PTPRK: variants seen among roughly 807,000 people sequenced by gnomAD.
PTPRK encodes the protein receptor-type tyrosine-protein phosphatase kappa.
Under a neutral mutation model 178.0 loss-of-function variants are expected in PTPRK, and 75 were observed. The observed-to-expected ratio is 0.42, with a 90% confidence interval of 0.35 to 0.51. PTPRK has a LOEUF of 0.51. PTPRK is among the 20% of genes least tolerant of loss of function. PTPRK has a pLI of 0.02. For missense variants in PTPRK, 1,441 were observed against 1,797.8 expected, an observed-to-expected ratio of 0.80 and a Z score of 3.59; for synonymous variants, 637 against 620.6, an observed-to-expected ratio of 1.03 and a Z score of -0.39.
intron 1 of PTPRK, among the ~76,000 whole-genome samples, chr6:128,404,562 G>A (rs1361820846): frequency 6.6e-6 from 1 of 152,140 alleles, no homozygotes; most frequent in Non-Finnish European, 1.5e-5. Context: ...AGGGGATCCC[G>A]AAGTGTGATC....
chr6:128,413,543 C>T (rs1842530042), intron 1 of PTPRK, among the ~76,000 whole-genome samples: 1 of 152,114 alleles, frequency 6.6e-6, no homozygotes, highest in African/African-American at 2.4e-5. Flanking sequence ...TAAGAAAGGA[C>T]AGGACTTCTG....
intron 5 of PTPRK, among the ~76,000 whole-genome samples, chr6:128,225,850 A>G (rs933857444): frequency 7.9e-4 from 120 of 152,318 alleles, no homozygotes; most frequent in Non-Finnish European, 3.1e-4. Flanking sequence ...GAAGGATGGA[A>G]GAAGGTAAAT....
chr6:128,252,870 C>A (rs1816696585), intron 3 of PTPRK, among the ~76,000 whole-genome samples: 1 of 152,200 alleles, frequency 6.6e-6, no homozygotes, highest in African/African-American at 2.4e-5. Context: ...ATCGCAGATA[C>A]ACCTTTTAGC....
chr6:128,119,665 A>G (rs1792132988), intron 7 of PTPRK, among the ~76,000 whole-genome samples: 1 of 152,052 alleles, frequency 6.6e-6, no homozygotes. Context: ...TCTGTTGTAT[A>G]CAGGTTTCTC....
intron 1 of PTPRK, among the ~76,000 whole-genome samples, chr6:128,445,802 C>T (rs762035554): frequency 2.9e-4 from 44 of 152,194 alleles, no homozygotes; most frequent in Non-Finnish European, 4.1e-4. Context: ...TGGAGTCCAC[C>T]AAATAATGGC....
At chr6:128,130,833 C>A (rs113938480) in intron 7 of PTPRK, among the ~76,000 whole-genome samples, 1 of 149,234 alleles carries the variant, frequency 6.7e-6, no homozygotes, top group Non-Finnish European at 1.5e-5. Context: ...AAGGAAGTAC[C>A]GATATAAAAA....
chr6:128,051,138 T>C (rs1421521942), intron 13 of PTPRK, among the ~76,000 whole-genome samples: 1 of 152,192 alleles, frequency 6.6e-6, no homozygotes, highest in African/African-American at 2.4e-5. Context: ...TTTTAAAAGA[T>C]ATGTTTCTGC....
intron 21 of PTPRK, among the ~76,000 whole-genome samples, chr6:127,988,355 G>A (rs542406134): frequency 2.1e-4 from 31 of 146,822 alleles, no homozygotes; most frequent in Admixed American, 9.6e-4. Flanking sequence ...CCAGGCTGGA[G>A]TGCAGTGGCG....
At chr6:128,135,302 G>A (rs1049115423) in intron 7 of PTPRK, among the ~76,000 whole-genome samples, 1 of 152,088 alleles carries the variant, frequency 6.6e-6, no homozygotes, top group Non-Finnish European at 1.5e-5. Context: ...TATGTTTCTT[G>A]ACCAGCTGGA....
At chr6:128,185,635 G>A (rs1802632737) in intron 6 of PTPRK, among the ~76,000 whole-genome samples, 1 of 152,044 alleles carries the variant, frequency 6.6e-6, no homozygotes, top group Non-Finnish European at 1.5e-5. Context: ...CCTAAAGAAA[G>A]TGTTAATAAA....
chr6:128,458,177 C>T (rs539127111), intron 1 of PTPRK, among the ~76,000 whole-genome samples: 202 of 152,040 alleles, frequency 1.3e-3, no homozygotes, highest in African/African-American at 4.5e-3. Context: ...AGATGAATAG[C>T]AATAAGAAAA....
At chr6:128,047,242 G>C (rs1429310821) in intron 13 of PTPRK, among the ~76,000 whole-genome samples, 1 of 152,120 alleles carries the variant, frequency 6.6e-6, no homozygotes, top group Non-Finnish European at 1.5e-5. Flanking sequence ...GTGCAAGCTA[G>C]CACTGAAGTC....
chr6:128,326,807 T>C (rs1223123479), intron 2 of PTPRK, among the ~76,000 whole-genome samples: 1 of 152,162 alleles, frequency 6.6e-6, no homozygotes, highest in Non-Finnish European at 1.5e-5. Flanking sequence ...CTGAGAGTTC[T>C]ATAATGAATA....
At position 128,376,284 on chromosome 6, in the gene PTPRK, T is replaced by C. The variant is rs181107689; in HGVS notation, c.223+21282A>G. Among the ~76,000 whole-genome samples, 224 of 152,290 alleles carry C rather than the reference T, an allele frequency of 1.5e-3. 3 individuals are homozygous for C. Among genetic ancestry groups the C allele is most frequent in the African/African-American group, 5.0e-3 (209 of 41,574 alleles). ...TTCCATACAGCCTCTGAAATCTAAC[T>C]GGAGGTTCCCAAACTTTAACTCTTG... On this transcript the variant is annotated intron_variant, in intron 2 of 29. Transcript: ENST00000368226.
intron 7 of PTPRK, among the ~76,000 whole-genome samples, chr6:128,092,959 A>G (rs1582969804): frequency 6.6e-6 from 1 of 152,348 alleles, no homozygotes; most frequent in South Asian, 2.1e-4. Context: ...TGAGCTGGCC[A>G]TAAGAGCTAC....
chr6:128,083,893 G>A, intron 8 of PTPRK, 69 bp from the exon 9 acceptor site: 6 of 769,286 alleles, frequency 7.8e-6, no homozygotes, highest in Non-Finnish European at 1.2e-5. Flanking sequence ...AATCAGATAA[G>A]CTAGATAAAC....
intron 3 of PTPRK, among the ~76,000 whole-genome samples, chr6:128,297,624 T>C (rs1824715343): frequency 6.6e-6 from 1 of 152,174 alleles, no homozygotes; most frequent in African/African-American, 2.4e-5. Flanking sequence ...CCTGAATGAC[T>C]ACTGGGTACA....
At chr6:127,998,325 A>G (rs2114682165) in intron 16 of PTPRK, among the ~76,000 whole-genome samples, 1 of 149,210 alleles carries the variant, frequency 6.7e-6, no homozygotes, top group South Asian at 2.1e-4. Flanking sequence ...TAAGGTCAAC[A>G]AAAAAAGGGG....
rs563900432 is a variant in PTPRK at position 128,054,589 on chromosome 6, T to C, written c.2194+10169A>G. On this transcript the variant is annotated intron_variant, in intron 13 of 29. Transcript: ENST00000368226. ...AGAGGGGGGATTTGAATCTAGAATC[T>C]AGTCTGAATCCAAGGCTAATGCTAT... is the stretch of plus-strand genomic sequence containing the variant. 9.8e-5 allele frequency among the ~76,000 whole-genome samples: 15 copies of C among 152,322 alleles called. No homozygotes were observed. In the East Asian group the frequency reaches 2.3e-3, roughly 23 times the overall value.
Sources: allele counts gnomAD v4.1 joint callset (sites outside exome capture counted in the v4.1 genomes callset), GRCh38; gene constraint gnomAD v4.1.1; transcripts MANE v1.5; gene names NCBI Gene and HGNC (gene_info 2026-07-23, HGNC 2026-07-21).